The following ASIP variants were observed in gnomAD, a reference collection of about 807,000 sequenced individuals.
ASIP encodes agouti-signaling protein.
ASIP carries 11 observed loss-of-function variants against 10.3 expected under a neutral mutation model. The observed-to-expected ratio is 1.07, with a 90% CI of 0.68 to 1.78. The LOEUF is 1.78. Among genes scored for constraint, ASIP ranks in the 40% most tolerant of loss-of-function variants. ASIP has a pLI of 0.00. For missense variants in ASIP, 180 were observed against 169.2 expected, an observed-to-expected ratio of 1.06 and a Z score of -0.35; for synonymous variants, 70 against 70.8, an observed-to-expected ratio of 0.99 and a Z score of 0.06.
Position 34,233,522 on chromosome 20 carries a change from G to T in ASIP, c.-10-26843G>T, listed in dbSNP as rs2035139793. 3.3e-5 allele frequency among the ~76,000 whole-genome samples: 5 copies of T among 152,258 alleles called. No individual in the cohort carries two copies. In the South Asian group the frequency reaches 1.0e-3, roughly 32 times the overall value. On this transcript the variant is annotated intron_variant, in intron 1 of 3. Coordinates refer to the ASIP transcript ENST00000568305. ...AAAGACTACATACTGTAGGATGGTT[G>T]CACAACTCTGTGAATAAACTAAAAA...
At chr20:34,260,703 A>G (rs2035675244) in intron 2 of ASIP, among the ~76,000 whole-genome samples, 169 bp downstream of exon 2, 1 of 152,218 alleles carries the variant, frequency 6.6e-6, no homozygotes, top group Non-Finnish European at 1.5e-5. Flanking sequence ...TGGTTTGGGA[A>G]AGCTCTGCAT....
chr20:34,263,699 G>A (rs369096806), intron 3 of ASIP, among the ~76,000 whole-genome samples: 40 of 141,218 alleles, frequency 2.8e-4, no homozygotes, highest in African/African-American at 9.0e-4. Flanking sequence ...TGGAGTTTTC[G>A]CTCTCGTTGC....
intron 1 of ASIP, among the ~76,000 whole-genome samples, chr20:34,207,413 C>A (rs2034944605): frequency 6.6e-6 from 1 of 152,182 alleles, no homozygotes; most frequent in Non-Finnish European, 1.5e-5. Context: ...GAGTTCCTTA[C>A]ATATTCTGGT....
At chr20:34,244,212 T>C (rs2035332684) in intron 1 of ASIP, among the ~76,000 whole-genome samples, 1 of 152,250 alleles carries the variant, frequency 6.6e-6, no homozygotes. Flanking sequence ...TTGCAGCATC[T>C]GATTTAAAGT....
At chr20:34,238,562 G>GT (rs948874832), upstream of ASIP, among the ~76,000 whole-genome samples, 8 of 151,616 alleles carry the variant, frequency 5.3e-5, no homozygotes, top group Non-Finnish European at 7.4e-5. Flanking sequence ...GCTTGTACTT[G>GT]TTTTTTTCAC....
intron 1 of ASIP, among the ~76,000 whole-genome samples, chr20:34,209,484 G>A (rs574876340): frequency 1.2e-4 from 19 of 152,350 alleles, no homozygotes; most frequent in African/African-American, 3.4e-4. Context: ...TGCAGAGCCA[G>A]GCATCTCTGC....
At chr20:34,219,973 C>T (rs1455928796) in intron 1 of ASIP, among the ~76,000 whole-genome samples, 1 of 152,106 alleles carries the variant, frequency 6.6e-6, no homozygotes, top group Non-Finnish European at 1.5e-5. Flanking sequence ...GCCTGTAGTC[C>T]CAGCTACTAG....
intron 1 of ASIP, among the ~76,000 whole-genome samples, chr20:34,248,357 A>C (rs1365715889): frequency 1.3e-5 from 2 of 152,194 alleles, no homozygotes; most frequent in East Asian, 3.8e-4. Context: ...TTAGCTAAAA[A>C]CTAAAACCAC....
intron 1 of ASIP, among the ~76,000 whole-genome samples, chr20:34,224,770 A>G (rs2035081185): frequency 6.6e-6 from 1 of 152,094 alleles, no homozygotes; most frequent in Non-Finnish European, 1.5e-5. Flanking sequence ...GATATTGCAC[A>G]ACCAGGGTGC....
chr20:34,188,754 T>C, the ASIP span, among the ~76,000 whole-genome samples: 1 of 152,138 alleles, frequency 6.6e-6, no homozygotes, highest in Non-Finnish European at 1.5e-5. Context: ...TATAGCTGGG[T>C]TGGAGATATG....
upstream of ASIP, among the ~76,000 whole-genome samples, chr20:34,191,990 C>T (rs999746592): frequency 2.6e-5 from 4 of 152,150 alleles, no homozygotes; most frequent in African/African-American, 9.7e-5. Context: ...CTCGGCCTCC[C>T]AGAGTGTTGG....
At chr20:34,201,016 C>CTTT (rs1308893420) in intron 1 of ASIP, among the ~76,000 whole-genome samples, 224 of 85,854 alleles carry the variant, frequency 2.6e-3, no homozygotes, top group Middle Eastern at 4.9e-3. Context: ...TTCCTTCCTT[C>CTTT]CTTCTTTCTT....
chr20:34,266,422 C>T (rs1171428170), intron 3 of ASIP, among the ~76,000 whole-genome samples: 1 of 151,984 alleles, frequency 6.6e-6, no homozygotes, highest in African/African-American at 2.4e-5. Flanking sequence ...ACTGTAATCC[C>T]AGCACTTCAG....
chr20:34,242,021 TC>T (rs1337027395), intron 1 of ASIP, among the ~76,000 whole-genome samples: 2 of 152,180 alleles, frequency 1.3e-5, no homozygotes, highest in Admixed American at 1.3e-4. Context: ...ATATCCATAT[TC>T]ACACATTTTA....
In ASIP at chr20:34,208,876, G is replaced by A. The variant is rs111498083; in HGVS notation, c.-11+14116G>A. ...CTAAGTATTTTTTTCTGTAGCTATC[G>A]TAAATGAGACTGCTTTGTGTTCTTT... On this transcript the variant is annotated intron_variant, in intron 1 of 3. Transcript: ENST00000568305. 4.9e-4 allele frequency among the ~76,000 whole-genome samples: 75 copies of A among 152,252 alleles called. 1 individual carries two copies. Among genetic ancestry groups the A allele is most frequent in the Middle Eastern group, 6.8e-3 (2 of 294 alleles).
At chr20:34,194,609 C>G (rs1396574872) in exon 1 of ASIP, 3 of 151,844 alleles carry the variant, frequency 2.0e-5, no homozygotes, top group Non-Finnish European at 4.4e-5. Context: ...TTTGCAGACC[C>G]ACCAGAGATC....
intron 1 of ASIP, among the ~76,000 whole-genome samples, chr20:34,253,066 C>T (rs2035504893): frequency 6.6e-6 from 1 of 152,070 alleles, no homozygotes; most frequent in African/African-American, 2.4e-5. Flanking sequence ...TTATGTCTTC[C>T]TTTTCTACAT....
At chr20:34,235,749 C>G (rs2035172965) in intron 1 of ASIP, among the ~76,000 whole-genome samples, 1 of 146,254 alleles carries the variant, frequency 6.8e-6, no homozygotes, top group African/African-American at 2.6e-5. Flanking sequence ...AATGCCACTG[C>G]ACTCCAGCCT....
intron 1 of ASIP, among the ~76,000 whole-genome samples, chr20:34,257,070 C>CTTTTTTTTTTTTTTTTT (rs56227909): frequency 2.8e-4 from 39 of 139,372 alleles, no homozygotes; most frequent in African/African-American, 6.3e-4. Flanking sequence ...CTTTCTTTCT[C>CTTTTTTTTTTTTTTTTT]TTTTTTTTTT....
Sources: gnomAD v4.1 joint callset for allele counts (sites outside exome capture counted in the v4.1 genomes callset) on GRCh38, gnomAD v4.1.1 for gene constraint, MANE v1.5 for transcripts, NCBI Gene and HGNC (gene_info 2026-07-23, HGNC 2026-07-21) for gene names.